FRMD3: variants seen among roughly 807,000 people sequenced by gnomAD.
FRMD3 encodes FERM domain containing 3, also known as FERM domain-containing protein 3.
Under a neutral mutation model 70.2 loss-of-function variants are expected in FRMD3, and 33 were observed. The observed-to-expected ratio is 0.47, with a 90% CI of 0.36 to 0.63. The LOEUF (loss-of-function observed/expected upper bound fraction) is 0.63, where lower values mean the gene tolerates loss of function less well. Ranked by LOEUF, FRMD3 falls within the 20% of genes least tolerant of loss-of-function variation. The pLI is 0.00. For missense variants in FRMD3, 632 were observed against 711.4 expected (o/e 0.89, Z 1.27); for synonymous variants, 279 against 255.9 (o/e 1.09, Z -0.86).
rs118148564 is a variant in FRMD3, at chr9:83,337,277, C to T, written c.473-1638G>A. Among the ~76,000 whole-genome samples, 1,422 of 152,270 alleles carry T rather than the reference C, an allele frequency of 9.3e-3. 9 individuals carry two copies. The highest frequency in any genetic ancestry group is 0.014 in the Non-Finnish European group (981 of 68,018). On this transcript the variant is annotated intron_variant, in intron 5 of 13. Coordinates refer to ENST00000304195, the MANE Select transcript of FRMD3 (RefSeq NM_174938.6). Reference sequence around the variant, plus strand: ...TACGTTTCCCCACCTGTCAGAATGGCCACCCTGCAAGCTGCAACCCTTTGT... The same window carrying T: ...TACGTTTCCCCACCTGTCAGAATGGTCACCCTGCAAGCTGCAACCCTTTGT...
At chr9:83,363,754 C>T (rs1006110835) in intron 3 of FRMD3, among the ~76,000 whole-genome samples, 2 of 152,190 alleles carry the variant, frequency 1.3e-5, no homozygotes, top group African/African-American at 4.8e-5. Flanking sequence ...CGGGGTTTCA[C>T]CATGTTAGCC....
At chr9:83,338,962 T>C (rs553600145) in intron 5 of FRMD3, among the ~76,000 whole-genome samples, 20 of 152,150 alleles carry the variant, frequency 1.3e-4, no homozygotes, top group African/African-American at 4.8e-4. Flanking sequence ...AGATGGACGA[T>C]CCCAGTGCTT....
At chr9:83,321,402 A>G (rs1466970335) in intron 6 of FRMD3, among the ~76,000 whole-genome samples, 1 of 152,132 alleles carries the variant, frequency 6.6e-6, no homozygotes, top group Non-Finnish European at 1.5e-5. Context: ...AATTTCAAAA[A>G]GTTTTTAAAT....
Position 83,244,999 on chromosome 9 carries a change from ATATCCACAAAT to A in FRMD3, c.*2908_*2918del. ...GTGTGTGTATTATATATATTTATTT[ATATCCACAAAT>A]GTACACTCAGTGGCATTTATGGAAA... On this transcript the variant is annotated 3_prime_UTR_variant, in exon 14 of 14. Transcript: ENST00000304195. 1.0e-6 allele frequency: 1 copy of A among 983,686 alleles called. No homozygotes were observed. The highest frequency in any genetic ancestry group is 1.7e-5 in the African/African-American group (1 of 57,314). The allele number at this position is 983,686 out of a possible 1,614,324, so 60.9% of individuals were successfully genotyped here.
chr9:83,364,010 C>T (rs983962516), intron 3 of FRMD3, among the ~76,000 whole-genome samples: 1 of 152,108 alleles, frequency 6.6e-6, no homozygotes, highest in Non-Finnish European at 1.5e-5. Context: ...ATAAAAATAT[C>T]TTATTCTAAT....
chr9:83,495,305 T>C (rs1828919569), intron 1 of FRMD3, among the ~76,000 whole-genome samples: 1 of 152,158 alleles, frequency 6.6e-6, no homozygotes, highest in Non-Finnish European at 1.5e-5. Flanking sequence ...AAAACTGCCA[T>C]GGGTCAGTAA....
chr9:83,346,447 G>T (rs569395769), intron 4 of FRMD3, among the ~76,000 whole-genome samples: 54 of 152,152 alleles, frequency 3.5e-4, no homozygotes, highest in Non-Finnish European at 7.2e-4. Context: ...AGACCCAAAA[G>T]GCTACACATT....
At chr9:83,283,136 A>T (rs1444952589) in intron 13 of FRMD3, among the ~76,000 whole-genome samples, 1 of 152,224 alleles carries the variant, frequency 6.6e-6, no homozygotes, top group Non-Finnish European at 1.5e-5. Flanking sequence ...CAAAATAGGA[A>T]TCTGCAGAGC....
At position 83,259,008 on chromosome 9, in the gene FRMD3, A is replaced by C. The variant is rs1300334891; in HGVS notation, c.1196-10492T>G. 2.6e-5 allele frequency among the ~76,000 whole-genome samples: 4 copies of C among 152,188 alleles called. No homozygotes were observed. The East Asian group carries it at 7.7e-4, about 29-fold the overall frequency. ...AAACCTCCAGAGCAGTGGTATAAAG[A>C]AAGCACCACCATTCAGCTGGGAGGA... On this transcript the variant is annotated intron_variant, in intron 13 of 13. Transcript: ENST00000304195.
intron 1 of FRMD3, among the ~76,000 whole-genome samples, chr9:83,433,472 C>A (rs1827040100): frequency 6.6e-6 from 1 of 152,126 alleles, no homozygotes; most frequent in Non-Finnish European, 1.5e-5. Flanking sequence ...GCACCAGGGA[C>A]CAGTTTAATG....
At chr9:83,585,250 G>A in the FRMD3 span, among the ~76,000 whole-genome samples, 1 of 152,152 alleles carries the variant, frequency 6.6e-6, no homozygotes, top group Non-Finnish European at 1.5e-5. Flanking sequence ...ACTCAGCCAG[G>A]AGGAACAAGG....
In FRMD3 at chr9:83,247,823, G is replaced by T. The variant is rs1424862155; in HGVS notation, c.*95C>A. On this transcript the variant is annotated 3_prime_UTR_variant, in exon 14 of 14. Coordinates refer to ENST00000304195, the MANE Select transcript of FRMD3 (RefSeq NM_174938.6). ...AATCAATTATGAGTAAGGAACACCTGTTGACAGCCCCGTGACCCTTCAGAA... is the reference window on the plus strand; with the variant it reads ...AATCAATTATGAGTAAGGAACACCTTTTGACAGCCCCGTGACCCTTCAGAA... The T allele has an allele frequency of 6.6e-7, 1 of 1,525,150 alleles. No homozygotes were observed. The allele number at this position is 1,525,150 out of a possible 1,614,324, so 94.5% of individuals were successfully genotyped here.
At chr9:83,368,029 TG>T (rs768612880) in intron 3 of FRMD3, among the ~76,000 whole-genome samples, 1 of 152,186 alleles carries the variant, frequency 6.6e-6, no homozygotes, top group Non-Finnish European at 1.5e-5. Flanking sequence ...CACAGCAACT[TG>T]GGTGAATCTC....
chr9:83,565,070 T>C, the FRMD3 span, among the ~76,000 whole-genome samples: 2 of 152,178 alleles, frequency 1.3e-5, no homozygotes, highest in Admixed American at 6.5e-5. Flanking sequence ...GAAAACACTG[T>C]GGGGACTCAT....
In FRMD3 at chr9:83,314,745, T is replaced by C. The variant is rs145386778; in HGVS notation, c.597-998A>G. On this transcript the variant is annotated intron_variant, in intron 6 of 13. Transcript: ENST00000304195. ...AGGGAGCATCTTTATTTATTCATCA[T>C]GATCCGCACAGTGTAGATCCTTTTA... is the stretch of plus-strand genomic sequence containing the variant. 7.2e-5 allele frequency among the ~76,000 whole-genome samples: 11 copies of C among 152,328 alleles called. No individual in the cohort carries two copies. In the East Asian group the frequency reaches 1.5e-3, roughly 21 times the overall value.
chr9:83,482,268 C>T (rs930636831), intron 1 of FRMD3, among the ~76,000 whole-genome samples: 4 of 152,094 alleles, frequency 2.6e-5, no homozygotes, highest in African/African-American at 7.2e-5. Flanking sequence ...CAGATGATTT[C>T]GACAAAAAAC....
At position 83,492,260 on chromosome 9, in the gene FRMD3, C is replaced by T. The variant is rs147275736; in HGVS notation, c.147+45825G>A. Among the ~76,000 whole-genome samples, 5 of 152,292 alleles carry T rather than the reference C, an allele frequency of 3.3e-5. No homozygotes were observed. In the South Asian group the frequency reaches 6.2e-4, roughly 19 times the overall value. On this transcript the variant is annotated intron_variant, in intron 1 of 13. Transcript: ENST00000304195. ...TGACAGCATTAAGATTAAACTACAC[C>T]ACGAGGCCTGGCTGATGCAGAAGTG...
intron 3 of FRMD3, among the ~76,000 whole-genome samples, chr9:83,365,485 T>G (rs941012282): frequency 1.3e-5 from 2 of 152,170 alleles, no homozygotes; most frequent in African/African-American, 4.8e-5. Context: ...ATAAGGCAGC[T>G]ATTGTTTTAG....
intron 1 of FRMD3, among the ~76,000 whole-genome samples, chr9:83,406,991 C>T (rs1445063687): frequency 6.6e-6 from 1 of 152,206 alleles, no homozygotes; most frequent in East Asian, 1.9e-4. Flanking sequence ...TTCTCACCAC[C>T]TATCAAAATT....
Sources: allele counts gnomAD v4.1 joint callset (sites outside exome capture counted in the v4.1 genomes callset), GRCh38; gene constraint gnomAD v4.1.1; transcripts MANE v1.5; gene names NCBI Gene and HGNC (gene_info 2026-07-23, HGNC 2026-07-21).